Variants in LINGO2 observed in about 807,000 individuals in gnomAD.
LINGO2 encodes leucine-rich repeat and immunoglobulin-like domain-containing nogo receptor-interacting protein 2.
Under a neutral mutation model 30.6 loss-of-function variants are expected in LINGO2, and 14 were observed. The ratio of observed to expected loss-of-function variants is 0.46; its 90% CI spans 0.30 to 0.72. LINGO2 has a LOEUF of 0.72. Among genes scored for constraint, LINGO2 ranks in the 30% least tolerant of loss-of-function variants. LINGO2 has a pLI of 0.07. For synonymous variants in LINGO2, 317 were observed against 288.5 expected (o/e 1.10, Z -1.00); for missense variants, 729 against 751.7 (o/e 0.97, Z 0.35).
the LINGO2 span, among the ~76,000 whole-genome samples, chr9:29,093,112 G>T: frequency 7.8e-6 from 1 of 127,678 alleles, no homozygotes; most frequent in African/African-American, 3.0e-5. Context: ...CATGGATATT[G>T]ATATCTATCT....
chr9:27,996,643 G>C (rs1821677164), intron 5 of LINGO2, among the ~76,000 whole-genome samples: 1 of 152,190 alleles, frequency 6.6e-6, no homozygotes, highest in African/African-American at 2.4e-5. Flanking sequence ...AGGGGGGTTA[G>C]TTAATGGGTA....
At chr9:28,834,011 T>C in the LINGO2 span, among the ~76,000 whole-genome samples, 3 of 150,328 alleles carry the variant, frequency 2.0e-5, no homozygotes, top group African/African-American at 7.4e-5. Flanking sequence ...GTAGAAACTG[T>C]TTCTTGTTTC....
At position 28,232,126 on chromosome 9, in the gene LINGO2, C is replaced by T. The variant is rs532847514; in HGVS notation, c.-87+63082G>A. ...TAAAAAGCTGAAAAGAGGCTGGGCA[C>T]GGTGGCTCATGCCTGTAATCCAAGA... On this transcript the variant is annotated intron_variant, in intron 4 of 5. Transcript: ENST00000379992. 1.2e-4 allele frequency among the ~76,000 whole-genome samples: 18 copies of T among 152,082 alleles called. No homozygotes were observed. In the South Asian group the frequency reaches 1.9e-3, roughly 16 times the overall value.
chr9:28,224,027 G>A (rs1821058027), intron 4 of LINGO2, among the ~76,000 whole-genome samples: 1 of 152,152 alleles, frequency 6.6e-6, no homozygotes, highest in African/African-American at 2.4e-5. Context: ...CACTGGGATA[G>A]ATGAAACTGT....
At chr9:28,162,333 A>G (rs944985836) in intron 4 of LINGO2, among the ~76,000 whole-genome samples, 3 of 152,120 alleles carry the variant, frequency 2.0e-5, no homozygotes, top group Admixed American at 6.6e-5. Context: ...TAGTTCCCAT[A>G]TCTCACATCT....
intron 2 of LINGO2, among the ~76,000 whole-genome samples, chr9:28,428,638 G>A (rs1000070217): frequency 6.6e-6 from 1 of 152,080 alleles, no homozygotes; most frequent in Non-Finnish European, 1.5e-5. Flanking sequence ...CAGAGCAGTT[G>A]CTGCTATTAT....
intron 3 of LINGO2, among the ~76,000 whole-genome samples, chr9:28,324,232 GT>G (rs1825145566): frequency 6.6e-6 from 1 of 152,032 alleles, no homozygotes; most frequent in South Asian, 2.1e-4. Flanking sequence ...GTTTGTTGGT[GT>G]TTTTAAAAAA....
the LINGO2 span, among the ~76,000 whole-genome samples, chr9:29,191,663 A>G: frequency 6.6e-6 from 1 of 152,132 alleles, no homozygotes. Context: ...TAGTTTCTCT[A>G]CATCATTAAT....
At chr9:28,447,797 C>G (rs1824486114) in intron 2 of LINGO2, among the ~76,000 whole-genome samples, 1 of 152,094 alleles carries the variant, frequency 6.6e-6, no homozygotes, top group South Asian at 2.1e-4. Context: ...ACATTACTTG[C>G]TTGATATAGG....
intron 5 of LINGO2, among the ~76,000 whole-genome samples, chr9:27,971,153 C>T (rs1244709276): frequency 6.6e-6 from 1 of 151,902 alleles, no homozygotes; most frequent in East Asian, 1.9e-4. Flanking sequence ...GTATTTTTCA[C>T]AATAAACATA....
At chr9:28,198,422 G>A (rs1820096318) in intron 4 of LINGO2, among the ~76,000 whole-genome samples, 1 of 151,990 alleles carries the variant, frequency 6.6e-6, no homozygotes, top group Non-Finnish European at 1.5e-5. Context: ...TTGTGTCAAG[G>A]GAGAATGGCA....
chr9:28,415,300 C>G (rs1822922265), intron 2 of LINGO2, among the ~76,000 whole-genome samples: 1 of 152,202 alleles, frequency 6.6e-6, no homozygotes, highest in Non-Finnish European at 1.5e-5. Context: ...TTAGCTCCCT[C>G]TCCAGCCTGT....
At chr9:28,492,099 T>C (rs190064479) in intron 1 of LINGO2, among the ~76,000 whole-genome samples, 97 of 152,306 alleles carry the variant, frequency 6.4e-4, no homozygotes, top group African/African-American at 8.4e-4. Flanking sequence ...CAATTTCATA[T>C]CAGATTTCAA....
intron 4 of LINGO2, among the ~76,000 whole-genome samples, chr9:28,049,972 G>T (rs1474299339): frequency 6.6e-6 from 1 of 150,792 alleles, no homozygotes; most frequent in Non-Finnish European, 1.5e-5. Flanking sequence ...CTGGCAGCAA[G>T]GTCAGTTTGT....
intron 5 of LINGO2, among the ~76,000 whole-genome samples, 169 bp from the exon 7 acceptor site, chr9:27,950,875 C>A (rs1348883047): frequency 6.6e-6 from 1 of 152,098 alleles, no homozygotes; most frequent in African/African-American, 2.4e-5. Context: ...GGTTCTTGGT[C>A]AAGTTATTTA....
intron 5 of LINGO2, among the ~76,000 whole-genome samples, chr9:27,994,160 C>T (rs920888059): frequency 1.4e-4 from 22 of 151,778 alleles, no homozygotes; most frequent in African/African-American, 5.1e-4. Flanking sequence ...TAGTACTAAA[C>T]GGAAATTTAT....
chr9:29,044,538 A>G, the LINGO2 span, among the ~76,000 whole-genome samples: 8 of 152,050 alleles, frequency 5.3e-5, no homozygotes, highest in East Asian at 1.9e-4. Flanking sequence ...GAATTTTACA[A>G]TATCTCACAA....
At chr9:29,066,960 A>C in the LINGO2 span, among the ~76,000 whole-genome samples, 1 of 151,904 alleles carries the variant, frequency 6.6e-6, no homozygotes, top group African/African-American at 2.4e-5. Context: ...AACCCCAGCT[A>C]GTTAGAAAGG....
intron 5 of LINGO2, among the ~76,000 whole-genome samples, chr9:27,967,860 G>T (rs1820173693): frequency 6.6e-6 from 1 of 152,102 alleles, no homozygotes; most frequent in African/African-American, 2.4e-5. Flanking sequence ...ATTGTTATTA[G>T]ATTCCTAGGT....
Sources: allele counts gnomAD v4.1 joint callset (sites outside exome capture counted in the v4.1 genomes callset), GRCh38; gene constraint gnomAD v4.1.1; transcripts MANE v1.5; gene names NCBI Gene and HGNC (gene_info 2026-07-23, HGNC 2026-07-21).